Variants in KIF1A observed in about 807,000 individuals in gnomAD.
The protein encoded by KIF1A is kinesin-like protein KIF1A.
A neutral mutation model predicts 227.3 loss-of-function variants in KIF1A; 46 were observed. The ratio of observed to expected loss-of-function variants is 0.20; its 90% CI spans 0.16 to 0.26. KIF1A has a LOEUF of 0.26. Ranked by LOEUF, KIF1A falls within the 10% of genes least tolerant of loss-of-function variation. The pLI is 1.00. For synonymous variants in KIF1A, 1,022 were observed against 1,012.8 expected, an observed-to-expected ratio of 1.01 and a Z score of -0.17; for missense variants, 1,683 against 2,485.9, an observed-to-expected ratio of 0.68 and a Z score of 6.87.
At chr2:240,803,131 A>G (rs2057109510) in intron 1 of KIF1A, among the ~76,000 whole-genome samples, 1 of 152,246 alleles carries the variant, frequency 6.6e-6, no homozygotes, top group South Asian at 2.1e-4. Flanking sequence ...ACACTAAGCA[A>G]TACAATTTTT....
intron 23 of KIF1A, among the ~76,000 whole-genome samples, 176 bp downstream of exon 23, chr2:240,762,543 C>T (rs1002602274): frequency 6.6e-6 from 1 of 152,218 alleles, no homozygotes; most frequent in Non-Finnish European, 1.5e-5. Context: ...TATCCCCCCT[C>T]CCCCAATGCT....
In KIF1A at chr2:240,783,751, G is replaced by A; in HGVS notation, c.786C>T (p.Gly262=). The A allele has an allele frequency of 6.3e-7, 1 of 1,576,694 alleles. No homozygotes were observed. Among genetic ancestry groups the A allele is most frequent in the Non-Finnish European group, 8.6e-7 (1 of 1,161,250 alleles). The change falls in exon 8 of 49, where the codon GGC becomes GGT. Residue 262 remains glycine, a synonymous_variant. Transcript: ENST00000498729. ...SERADSTGAK[G]TRLKEGANIN... is the part of the protein sequence containing the mutation. ...GCCTGGCCCCTACCTTGAGGCGCGT[G>A]CCCTTGGCTCCCGTGGAGTCAGCCC... is the stretch of plus-strand genomic sequence containing the variant.
At chr2:240,722,705 C>T (rs758506205) in intron 42 of KIF1A, 49 bp from the exon 43 acceptor site, 245 of 1,412,456 alleles carry the variant, frequency 1.7e-4, no homozygotes, top group Non-Finnish European at 2.2e-4. Context: ...GGGGTGACCT[C>T]CGGAGTTGTG....
At chr2:240,743,128 G>C (rs959812842) in intron 33 of KIF1A, 144 bp from the exon 34 acceptor site, 14 of 623,558 alleles carry the variant, frequency 2.2e-5, no homozygotes, top group African/African-American at 2.2e-4. Context: ...GCTTGGGTGG[G>C]AGGAAGAGGA....
At chr2:240,727,064 A>C in intron 38 of KIF1A, 124 bp from the exon 39 acceptor site, 1 of 586,506 alleles carries the variant, frequency 1.7e-6, no homozygotes, top group East Asian at 2.9e-5. Context: ...CTGGGGGCAC[A>C]GGCTGGAAGC....
intron 2 of KIF1A, among the ~76,000 whole-genome samples, 172 bp downstream of exon 2, chr2:240,797,475 C>T (rs2056530377): frequency 6.6e-6 from 1 of 152,228 alleles, no homozygotes; most frequent in Admixed American, 6.5e-5. Context: ...ATAAGCCCAC[C>T]ACCGTTGGTG....
Position 240,714,445 on chromosome 2 carries a change from G to A in KIF1A, c.*2919C>T. The A allele has an allele frequency of 6.5e-6, 1 of 152,760 alleles. No homozygotes were observed. The highest frequency in any genetic ancestry group is 1.5e-5 in the Non-Finnish European group (1 of 68,412). 9.5% of individuals were successfully genotyped at this position (152,760 alleles called of 1,614,324 possible). A position where few individuals can be genotyped will look rare whatever the true frequency, so the allele number is the denominator to read the frequency against. ...TCCCCCTTTCTGGTGGAGGATGGCT[G>A]CCCCCAAACCAAAACAAGCCCCCAG... On this transcript the variant is annotated 3_prime_UTR_variant, in exon 49 of 49. Coordinates refer to ENST00000498729, the MANE Select transcript of KIF1A (RefSeq NM_001244008.2).
chr2:240,810,247 T>C (rs1021002385), intron 1 of KIF1A, among the ~76,000 whole-genome samples: 1 of 152,124 alleles, frequency 6.6e-6, no homozygotes, highest in African/African-American at 2.4e-5. Context: ...GAAGGATTTG[T>C]ACGCAGAATA....
intron 10 of KIF1A, among the ~76,000 whole-genome samples, chr2:240,780,114 A>G (rs1358490150): frequency 6.6e-6 from 1 of 151,400 alleles, no homozygotes; most frequent in Non-Finnish European, 1.5e-5. Flanking sequence ...GCTTCCCCAC[A>G]GTGTCCTCCA....
chr2:240,733,192 C>T (rs944318935), intron 38 of KIF1A, among the ~76,000 whole-genome samples: 4 of 151,994 alleles, frequency 2.6e-5, no homozygotes, highest in Non-Finnish European at 5.9e-5. Flanking sequence ...GTGAATGTTG[C>T]GGCCCCACCA....
intron 10 of KIF1A, among the ~76,000 whole-genome samples, chr2:240,779,626 C>T (rs550370215): frequency 2.5e-4 from 38 of 151,878 alleles, no homozygotes; most frequent in African/African-American, 8.9e-4. Context: ...TCACTCAGTT[C>T]CACACTCAGT....
intron 38 of KIF1A, among the ~76,000 whole-genome samples, chr2:240,727,266 G>A (rs1575528268): frequency 6.6e-6 from 1 of 152,218 alleles, no homozygotes; most frequent in African/African-American, 2.4e-5. Flanking sequence ...GAGAGGGAAG[G>A]GAGGAGGGAG....
rs1360623170 is a variant in KIF1A, at chr2:240,739,158, G to A, written c.3901+900C>T. On this transcript the variant is annotated intron_variant, in intron 37 of 48. Transcript: ENST00000498729. The surrounding 1 kb of genome is among the most constrained non-coding windows in gnomAD (Gnocchi z 5.6). Reference sequence around the variant, plus strand: ...TCCTGCACTGGGACACAAGGTGACGGGTCCAGCCTCAGGGAAGTGACCTTG... The same window carrying A: ...TCCTGCACTGGGACACAAGGTGACGAGTCCAGCCTCAGGGAAGTGACCTTG... 6.6e-6 allele frequency among the ~76,000 whole-genome samples: 1 copy of A among 152,198 alleles called. No individual in the cohort carries two copies.
In KIF1A at chr2:240,727,528, T is replaced by C. The variant is rs575159839; in HGVS notation, c.4008-588A>G. ...TGACAATGGACTCACCCTTGGTCCATTGGGAAGAGGAAGGCCCCGGGGGGA... is the reference window on the plus strand; with the variant it reads ...TGACAATGGACTCACCCTTGGTCCACTGGGAAGAGGAAGGCCCCGGGGGGA... On this transcript the variant is annotated intron_variant, in intron 38 of 48. Coordinates refer to ENST00000498729, the MANE Select transcript of KIF1A (RefSeq NM_001244008.2). 4.5e-4 allele frequency among the ~76,000 whole-genome samples: 69 copies of C among 152,256 alleles called. 1 individual carries two copies. The highest frequency in any genetic ancestry group is 3.4e-3 in the Middle Eastern group (1 of 294).
At chr2:240,721,756 A>G in intron 44 of KIF1A, 51 bp downstream of exon 44, 1 of 1,457,870 alleles carries the variant, frequency 6.9e-7, no homozygotes, top group Non-Finnish European at 9.4e-7. Context: ...ACCACTGCCT[A>G]TGGGAGCCCG....
intron 13 of KIF1A, 75 bp from the exon 14 acceptor site, chr2:240,772,671 G>T: frequency 1.6e-6 from 2 of 1,260,418 alleles, no homozygotes; most frequent in Non-Finnish European, 2.2e-6. Context: ...AGAGGGTCAG[G>T]CACGCCTTTC....
At chr2:240,718,865 GC>G (rs1196498583) in intron 47 of KIF1A, 140 bp downstream of exon 47, 1 of 668,268 alleles carries the variant, frequency 1.5e-6, no homozygotes, top group Non-Finnish European at 2.5e-6. Flanking sequence ...GAGTCCCTGA[GC>G]CCAGCCTCCG....
chr2:240,769,344 A>T, intron 16 of KIF1A, 136 bp from the exon 17 acceptor site: 2 of 736,920 alleles, frequency 2.7e-6, no homozygotes, highest in Non-Finnish European at 4.5e-6. Context: ...CCATCTGGTC[A>T]CTGGGTTAGG....
At position 240,775,155 on chromosome 2, in the gene KIF1A, AT is replaced by A; in HGVS notation, c.958+695del. 6.6e-6 allele frequency among the ~76,000 whole-genome samples: 1 copy of A among 152,186 alleles called. No homozygotes were observed. Among genetic ancestry groups the A allele is most frequent in the Non-Finnish European group, 1.5e-5 (1 of 68,022 alleles). On this transcript the variant is annotated intron_variant, in intron 11 of 48. Transcript: ENST00000498729. The surrounding 1 kb of genome is among the most constrained non-coding windows in gnomAD (Gnocchi z 5.5). ...ATCCGCAGGCCTGCTGCGGTCTGCA[AT>A]ACTGACCTGAGCTGGGGAGCAAGCA...
Sources: gnomAD v4.1 joint callset for allele counts (sites outside exome capture counted in the v4.1 genomes callset) on GRCh38, gnomAD v4.1.1 for gene constraint, Gnocchi (gnomAD v3.1) non-coding constraint, MANE v1.5 for transcripts, NCBI Gene and HGNC (gene_info 2026-07-23, HGNC 2026-07-21) for gene names.